THSD7B: variants seen among roughly 807,000 people sequenced by gnomAD.
The protein encoded by THSD7B is thrombospondin type-1 domain-containing protein 7B.
THSD7B carries 138 observed loss-of-function variants against 213.6 expected under a neutral mutation model. The observed-to-expected ratio is 0.65, with a 90% CI of 0.56 to 0.74. The LOEUF (loss-of-function observed/expected upper bound fraction) is 0.74, where lower values mean the gene tolerates loss of function less well. Ranked by LOEUF, THSD7B falls within the 30% of genes least tolerant of loss-of-function variation. The pLI is 0.00. For synonymous variants in THSD7B, 742 were observed against 687.0 expected, an observed-to-expected ratio of 1.08 and a Z score of -1.25; for missense variants, 1,931 against 1,991.5, an observed-to-expected ratio of 0.97 and a Z score of 0.58.
In THSD7B at chr2:137,566,999, C is replaced by T. The variant is rs774076064; in HGVS notation, c.3272+3645C>T. Among the ~76,000 whole-genome samples the T allele has an allele frequency of 2.6e-5, 4 of 151,982 alleles. No homozygotes were observed. In the East Asian group the frequency reaches 5.8e-4, roughly 22 times the overall value. On this transcript the variant is annotated intron_variant, in intron 16 of 27. Coordinates refer to ENST00000409968, the MANE Select transcript of THSD7B (RefSeq NM_001316349.2). ...GGACAAGGAGAGTAAAAAGCAGGAG[C>T]CTTCTTGGCTTATTAACAGAGTAAC...
At chr2:136,855,634 T>A (rs1400590856) in intron 1 of THSD7B, among the ~76,000 whole-genome samples, 1 of 112,484 alleles carries the variant, frequency 8.9e-6, no homozygotes, top group Admixed American at 7.8e-5. Flanking sequence ...TATTTATTTA[T>A]TTATTTTTTG....
intron 20 of THSD7B, among the ~76,000 whole-genome samples, chr2:137,632,711 A>G (rs1278865680): frequency 6.6e-6 from 1 of 152,006 alleles, no homozygotes; most frequent in African/African-American, 2.4e-5. Flanking sequence ...ATAAAATGCC[A>G]TAAAAGCAAT....
At chr2:137,160,838 G>T (rs907521935) in intron 6 of THSD7B, among the ~76,000 whole-genome samples, 1 of 152,054 alleles carries the variant, frequency 6.6e-6, no homozygotes, top group Non-Finnish European at 1.5e-5. Context: ...TTTCCAGGCT[G>T]GTCTCGAACT....
chr2:137,104,719 A>C (rs1437566016), intron 4 of THSD7B, among the ~76,000 whole-genome samples: 1 of 152,190 alleles, frequency 6.6e-6, no homozygotes, highest in Non-Finnish European at 1.5e-5. Context: ...AAAATGATAA[A>C]GGGGATATCA....
intron 1 of THSD7B, among the ~76,000 whole-genome samples, chr2:136,853,209 A>G (rs1379561802): frequency 1.3e-5 from 2 of 151,814 alleles, no homozygotes; most frequent in Non-Finnish European, 2.9e-5. Context: ...ACCTCACTCA[A>G]ATTTCCCCAT....
chr2:137,676,598 A>G lies in THSD7B; in HGVS notation c.4814A>G (p.Asp1605Gly). The G allele has an allele frequency of 1.3e-6, 2 of 1,576,290 alleles. No individual in the cohort carries two copies. The highest frequency in any genetic ancestry group is 2.4e-5 in the South Asian group (2 of 84,738). The change falls in exon 28 of 28, where the codon GAC (aspartate) becomes GGC (glycine). Residue 1605 changes from aspartate to glycine, a missense_variant. Physicochemically the swap from Asp to Gly is moderately conservative, Grantham distance 94 (BLOSUM62 -1). Coordinates refer to ENST00000409968, the MANE Select transcript of THSD7B (RefSeq NM_001316349.2). ...ACCTTAGCCTACGATGGAGACTTAG[A>G]CATGTAATCTGAAAAAGAAATCCAA... Reference protein sequence around the residue: ...PLTLAYDGDLDM With the variant: ...PLTLAYDGDLGM
rs549742201 is a variant in THSD7B, at chr2:137,082,178, C to T, written c.951-12695C>T. 2.0e-5 allele frequency among the ~76,000 whole-genome samples: 3 copies of T among 152,166 alleles called. No individual in the cohort carries two copies. The East Asian group carries it at 5.8e-4, about 29-fold the overall frequency. ...TGTGTTTCATCTAAGTCTTTTACTC[C>T]TCTGCAATTTTTTTCATGGAATCTT... On this transcript the variant is annotated intron_variant, in intron 3 of 27. Transcript: ENST00000409968.
At chr2:137,189,467 C>T (rs993014534) in intron 7 of THSD7B, among the ~76,000 whole-genome samples, 1 of 152,096 alleles carries the variant, frequency 6.6e-6, no homozygotes, top group African/African-American at 2.4e-5. Flanking sequence ...AGTGTCACCA[C>T]TTAGGAAGCC....
chr2:137,071,088 T>C (rs1429808301), intron 3 of THSD7B, among the ~76,000 whole-genome samples: 1 of 152,242 alleles, frequency 6.6e-6, no homozygotes, highest in Non-Finnish European at 1.5e-5. Context: ...AGTAATGGAA[T>C]GGCTGGGTCA....
At chr2:137,605,637 G>C (rs1020697167) in intron 17 of THSD7B, among the ~76,000 whole-genome samples, 1 of 127,480 alleles carries the variant, frequency 7.8e-6, no homozygotes. Flanking sequence ...AGCATATATT[G>C]GCACTTCGCA....
chr2:137,142,178 C>G (rs949425078), intron 5 of THSD7B, among the ~76,000 whole-genome samples: 6 of 152,138 alleles, frequency 3.9e-5, no homozygotes, highest in Non-Finnish European at 5.9e-5. Flanking sequence ...AATTTATTGA[C>G]TCACATTTCT....
At chr2:137,570,999 A>G (rs1001816319) in intron 16 of THSD7B, among the ~76,000 whole-genome samples, 1 of 152,216 alleles carries the variant, frequency 6.6e-6, no homozygotes, top group Non-Finnish European at 1.5e-5. Flanking sequence ...ATAAATAGAG[A>G]GAAATGCCCC....
chr2:137,016,866 C>T (rs1019808297), intron 2 of THSD7B, among the ~76,000 whole-genome samples: 2 of 152,134 alleles, frequency 1.3e-5, no homozygotes, highest in African/African-American at 4.8e-5. Flanking sequence ...TCAAGATTGG[C>T]GTGAAAGATA....
At chr2:137,117,836 C>T (rs976200466) in intron 5 of THSD7B, among the ~76,000 whole-genome samples, 2 of 152,190 alleles carry the variant, frequency 1.3e-5, no homozygotes, top group Non-Finnish European at 2.9e-5. Flanking sequence ...CTAATTCCCT[C>T]CCAAAGGTCT....
intron 7 of THSD7B, among the ~76,000 whole-genome samples, chr2:137,218,877 G>A (rs933714309): frequency 2.6e-5 from 4 of 151,638 alleles, no homozygotes; most frequent in Non-Finnish European, 5.9e-5. Flanking sequence ...TCTGTTTTCT[G>A]TTTGGAGCAC....
chr2:136,999,481 G>A (rs1432237894), intron 2 of THSD7B, among the ~76,000 whole-genome samples: 2 of 150,238 alleles, frequency 1.3e-5, no homozygotes, highest in East Asian at 3.9e-4. Context: ...TTTTTTTCAA[G>A]CATGATATTG....
At chr2:136,809,836 A>G (rs1407606808) in intron 1 of THSD7B, among the ~76,000 whole-genome samples, 1 of 152,128 alleles carries the variant, frequency 6.6e-6, no homozygotes, top group Non-Finnish European at 1.5e-5. Flanking sequence ...GGTGGAGATG[A>G]CAATAATGAA....
chr2:137,568,457 G>C (rs1681285680), intron 16 of THSD7B, among the ~76,000 whole-genome samples: 1 of 152,090 alleles, frequency 6.6e-6, no homozygotes, highest in Non-Finnish European at 1.5e-5. Flanking sequence ...ATGTGAAATA[G>C]ATAATCCTAA....
chr2:137,004,831 T>C (rs1686072366), intron 2 of THSD7B, among the ~76,000 whole-genome samples: 1 of 152,244 alleles, frequency 6.6e-6, no homozygotes, highest in African/African-American at 2.4e-5. Context: ...AATATATTCA[T>C]TAATTCACTG....
Sources: gnomAD v4.1 joint callset for allele counts (sites outside exome capture counted in the v4.1 genomes callset) on GRCh38, gnomAD v4.1.1 for gene constraint, MANE v1.5 for transcripts, NCBI Gene and HGNC (gene_info 2026-07-23, HGNC 2026-07-21) for gene names.